Variants in LRRC8D observed in about 807,000 individuals in gnomAD.
LRRC8D encodes the protein leucine rich repeat containing 8 VRAC subunit D.
In LRRC8D, 20 loss-of-function variants were observed where a neutral mutation model predicts 55.8. The ratio of observed to expected loss-of-function variants is 0.36; its 90% confidence interval spans 0.25 to 0.52. The LOEUF (loss-of-function observed/expected upper bound fraction) is 0.52. LRRC8D is among the 20% of genes least tolerant of loss of function. The probability of loss-of-function intolerance (pLI) is 0.93; values close to 1 mark genes in which losing one functional copy is unlikely to be tolerated. For missense variants in LRRC8D, 651 were observed against 1,030.8 expected (o/e 0.63, Z 5.05); for synonymous variants, 352 against 377.0 (o/e 0.93, Z 0.77).
At position 89,934,322 on chromosome 1, in the gene LRRC8D, C is replaced by T. The variant is rs574667654; in HGVS notation, c.1254C>T (p.Phe418=). ...DIPDVKNDFA[F]LLHMVDQYDQ... ...CAGATGTCAAAAACGATTTTGCGTT[C>T]CTTCTTCACATGGTAGACCAGTATG... Residue 418 remains phenylalanine (F), a synonymous_variant, in exon 3 of 3, where the codon TTC becomes TTT. Transcript: ENST00000337338. The surrounding 1 kb of genome is among the most constrained non-coding windows in gnomAD (Gnocchi z 5.9). 4.3e-6 allele frequency: 7 copies of T among 1,613,800 alleles called. No individual in the cohort carries two copies. In the African/African-American group the frequency reaches 9.3e-5, roughly 22 times the overall value.
intron 2 of LRRC8D, among the ~76,000 whole-genome samples, chr1:89,891,393 CTG>C (rs1385997161): frequency 1.3e-5 from 2 of 152,198 alleles, no homozygotes; most frequent in Non-Finnish European, 2.9e-5. Context: ...GTGGTGATAA[CTG>C]TGATCTGTTA....
intron 2 of LRRC8D, among the ~76,000 whole-genome samples, chr1:89,854,030 TA>T (rs1332009698): frequency 6.6e-6 from 1 of 152,128 alleles, no homozygotes; most frequent in African/African-American, 2.4e-5. Context: ...CCAGAAAAGA[TA>T]GGGGGGCCAA....
chr1:89,874,477 GT>G (rs775214337), intron 2 of LRRC8D, among the ~76,000 whole-genome samples: 6 of 149,776 alleles, frequency 4.0e-5, no homozygotes, highest in Admixed American at 1.3e-4. Flanking sequence ...GTGTGTGTGT[GT>G]GTGGTAAGTG....
chr1:89,860,921 A>G (rs888304003), intron 2 of LRRC8D, among the ~76,000 whole-genome samples: 30 of 150,930 alleles, frequency 2.0e-4, no homozygotes, highest in African/African-American at 7.1e-4. Context: ...AGGAAACCTC[A>G]TTTGCTGCAG....
rs200795939 is a variant in LRRC8D, at chr1:89,935,578, C to T, written c.2510C>T (p.Thr837Ile). ...GLVVEDHLFDTLPLEVKEALN... is the reference protein window; with the variant it reads ...GLVVEDHLFDILPLEVKEALN... ...GTTGTGGAAGATCACCTTTTTGATA[C>T]CCTGCCACTCGAAGTCAAAGAGGCA... The change falls in exon 3 of 3, where the codon ACC (threonine) becomes ATC (isoleucine). Residue 837 changes from threonine to isoleucine, a missense_variant. Thr to Ile is a moderately conservative substitution (Grantham distance 89, BLOSUM62 -1). This residue lies in a region of LRRC8D where 338 missense variants were observed against 479.4 expected (regional missense o/e 0.71). Coordinates refer to ENST00000337338, the MANE Select transcript of LRRC8D (RefSeq NM_001134479.2). 1 of 1,614,120 alleles carries T rather than the reference C, an allele frequency of 6.2e-7. No homozygotes were observed. The highest frequency in any genetic ancestry group is 1.3e-5 in the African/African-American group (1 of 75,042).
intron 2 of LRRC8D, among the ~76,000 whole-genome samples, chr1:89,857,531 GAGAA>G (rs1382527059): frequency 3.9e-5 from 6 of 151,984 alleles, no homozygotes; most frequent in East Asian, 1.9e-4. Context: ...CCATTTTGGT[GAGAA>G]AGAAAGAGGT....
intron 1 of LRRC8D, among the ~76,000 whole-genome samples, chr1:89,840,074 G>T (rs1212454762): frequency 6.6e-6 from 1 of 152,156 alleles, no homozygotes; most frequent in East Asian, 1.9e-4. Context: ...GGGGATTATG[G>T]TACTTAGGGA....
intron 2 of LRRC8D, among the ~76,000 whole-genome samples, chr1:89,895,581 G>A (rs1223278451): frequency 6.6e-6 from 1 of 151,904 alleles, no homozygotes; most frequent in African/African-American, 2.4e-5. Context: ...TTTTCTATGT[G>A]AACAAATTTG....
rs752513124 is a variant in LRRC8D, at chr1:89,934,470, G to A, written c.1402G>A (p.Ala468Thr). The A allele has an allele frequency of 3.0e-5, 49 of 1,613,978 alleles. 1 individual carries two copies. The East Asian group carries it at 8.2e-4, about 27-fold the overall frequency. Reference sequence around the variant, plus strand: ...ACTCAGGCAGCACATTTCACGCAACGCCCAGGACAAGCAGGAGTTGCATCT... The same window carrying A: ...ACTCAGGCAGCACATTTCACGCAACACCCAGGACAAGCAGGAGTTGCATCT... ...EKLRQHISRN[A>T]QDKQELHLFM... The change falls in exon 3 of 3, where the codon GCC becomes ACC. Residue 468 changes from alanine (A) to threonine (T), a missense_variant. Around this residue, in one of 5 missense-constraint regions of LRRC8D, gnomAD observed 338 missense variants for 479.4 expected, o/e 0.71. Transcript: ENST00000337338. The surrounding 1 kb of genome is among the most constrained non-coding windows in gnomAD (Gnocchi z 5.9).
intron 2 of LRRC8D, among the ~76,000 whole-genome samples, chr1:89,878,984 AAGT>A (rs1487819360): frequency 6.6e-6 from 1 of 151,496 alleles, no homozygotes; most frequent in Non-Finnish European, 1.5e-5. Context: ...AAAAAAAAAA[AAGT>A]CTCTAATGAG....
At chr1:89,906,575 A>G (rs1290431834) in intron 2 of LRRC8D, among the ~76,000 whole-genome samples, 2 of 152,158 alleles carry the variant, frequency 1.3e-5, no homozygotes, top group African/African-American at 4.8e-5. Context: ...CTTGCTCACA[A>G]TGCCTGTCCT....
intron 2 of LRRC8D, among the ~76,000 whole-genome samples, chr1:89,886,991 A>G (rs1454048263): frequency 6.6e-6 from 1 of 152,216 alleles, no homozygotes; most frequent in Admixed American, 6.5e-5. Flanking sequence ...GTGATGCCAA[A>G]TGATGGGTGT....
chr1:89,855,961 C>T (rs1661541628), intron 2 of LRRC8D, among the ~76,000 whole-genome samples: 1 of 151,786 alleles, frequency 6.6e-6, no homozygotes, highest in Non-Finnish European at 1.5e-5. Flanking sequence ...AATGCTAGTT[C>T]TGGGGGTTTG....
chr1:89,887,086 G>T (rs1362532154), intron 2 of LRRC8D, among the ~76,000 whole-genome samples: 1 of 152,096 alleles, frequency 6.6e-6, no homozygotes, highest in Admixed American at 6.5e-5. Context: ...GAGAATAAAT[G>T]ATTAAATATG....
chr1:89,926,939 A>C (rs1663579702), intron 2 of LRRC8D, among the ~76,000 whole-genome samples: 3 of 152,272 alleles, frequency 2.0e-5, no homozygotes, highest in African/African-American at 7.2e-5. Flanking sequence ...GTAAATAACA[A>C]CACTTTGGCT....
chr1:89,889,694 G>A (rs1557469425), intron 2 of LRRC8D, among the ~76,000 whole-genome samples: 1 of 149,606 alleles, frequency 6.7e-6, no homozygotes, highest in East Asian at 2.0e-4. Context: ...CCAGCCTGGC[G>A]AACATGGTGA....
chr1:89,894,328 A>G (rs552939481), intron 2 of LRRC8D, among the ~76,000 whole-genome samples: 2 of 152,324 alleles, frequency 1.3e-5, no homozygotes, highest in East Asian at 3.9e-4. Context: ...AGACAGCCCC[A>G]TATTACTCAC....
chr1:89,924,769 A>G (rs780443561), intron 2 of LRRC8D, among the ~76,000 whole-genome samples: 9 of 152,122 alleles, frequency 5.9e-5, no homozygotes, highest in Non-Finnish European at 1.2e-4. Flanking sequence ...TTGCAGCAAC[A>G]TGGATGCAGC....
chr1:89,853,728 T>C (rs1351126196), intron 2 of LRRC8D, among the ~76,000 whole-genome samples: 1 of 151,998 alleles, frequency 6.6e-6, no homozygotes, highest in Non-Finnish European at 1.5e-5. Flanking sequence ...AGATTGAATA[T>C]AGGAGATTGG....
Sources: allele counts gnomAD v4.1 joint callset (sites outside exome capture counted in the v4.1 genomes callset), GRCh38; gene constraint gnomAD v4.1.1; regional missense constraint gnomAD v4.1.1; non-coding constraint Gnocchi (gnomAD v3.1); transcripts MANE v1.5; gene names NCBI Gene and HGNC (gene_info 2026-07-23, HGNC 2026-07-21).